FGGY: variants seen among roughly 807,000 people sequenced by gnomAD.
FGGY encodes FGGY carbohydrate kinase domain-containing protein.
A neutral mutation model predicts 71.3 loss-of-function variants in FGGY; 72 were observed. The ratio of observed to expected loss-of-function variants is 1.01; its 90% CI spans 0.84 to 1.23. The LOEUF (loss-of-function observed/expected upper bound fraction) is 1.23, where lower values mean the gene tolerates loss of function less well. Ranked by LOEUF, FGGY falls within the 50% of genes most tolerant of loss-of-function variation. The pLI is 0.00. For missense variants in FGGY, 668 were observed against 682.3 expected (o/e 0.98, Z 0.23); for synonymous variants, 251 against 250.3 (o/e 1.00, Z -0.02).
chr1:59,693,230 T>C (rs2097610447), intron 14 of FGGY, among the ~76,000 whole-genome samples: 1 of 152,232 alleles, frequency 6.6e-6, no homozygotes. Context: ...TGCATTGGCA[T>C]CAGACAGATA....
At chr1:59,408,328 A>G (rs1369681420) in intron 5 of FGGY, among the ~76,000 whole-genome samples, 3 of 152,192 alleles carry the variant, frequency 2.0e-5, no homozygotes, top group Non-Finnish European at 4.4e-5. Flanking sequence ...AAAATATGCT[A>G]TTAATATGCT....
intron 12 of FGGY, among the ~76,000 whole-genome samples, chr1:59,663,788 A>T (rs1042623556): frequency 6.6e-6 from 1 of 152,194 alleles, no homozygotes. Context: ...TGTGCATTTT[A>T]ATGAGGTATT....
At chr1:59,543,712 T>C (rs758118775) in intron 7 of FGGY, among the ~76,000 whole-genome samples, 45 of 152,220 alleles carry the variant, frequency 3.0e-4, no homozygotes, top group Non-Finnish European at 6.3e-4. Flanking sequence ...TCAGGCTTTT[T>C]TTTTTAGTTT....
intron 5 of FGGY, among the ~76,000 whole-genome samples, chr1:59,431,023 T>C (rs370811742): frequency 4.6e-5 from 7 of 152,314 alleles, no homozygotes; most frequent in Admixed American, 2.0e-4. Flanking sequence ...TATCCATTAC[T>C]GTTAGCTAAG....
chr1:59,723,568 G>T (rs573388621), intron 14 of FGGY, among the ~76,000 whole-genome samples: 8 of 149,394 alleles, frequency 5.4e-5, no homozygotes, highest in Non-Finnish European at 1.0e-4. Flanking sequence ...TTTTTTGGGG[G>T]GGGGTGGTTG....
intron 2 of FGGY, among the ~76,000 whole-genome samples, chr1:59,338,341 G>A (rs759735155): frequency 3.9e-5 from 6 of 152,038 alleles, no homozygotes; most frequent in Non-Finnish European, 7.4e-5. Flanking sequence ...GGTAATACTG[G>A]CTATGTAATA....
chr1:59,586,859 T>C (rs35267015), intron 8 of FGGY, among the ~76,000 whole-genome samples: 18,409 of 152,042 alleles, frequency 0.12, 1,275 homozygotes, highest in South Asian at 0.3. Context: ...GCTCCCAGCG[T>C]GAGTGACGCA....
chr1:59,592,678 A>G (rs551663413), intron 8 of FGGY, among the ~76,000 whole-genome samples: 4 of 151,908 alleles, frequency 2.6e-5, no homozygotes, highest in African/African-American at 9.7e-5. Context: ...AGTAAACTAT[A>G]GCAAGAACAA....
At chr1:59,375,152 C>T (rs1256446428) in intron 4 of FGGY, among the ~76,000 whole-genome samples, 9 of 149,238 alleles carry the variant, frequency 6.0e-5, no homozygotes, top group Admixed American at 2.7e-4. Context: ...CCCAGCTACT[C>T]GGGAGGCTGA....
chr1:59,310,110 T>C (rs910316799), intron 1 of FGGY: 3 of 152,240 alleles, frequency 2.0e-5, no homozygotes, highest in Admixed American at 6.5e-5. Flanking sequence ...GAATGGATTT[T>C]GTTGCTTTAT....
chr1:59,539,165 G>T (rs531871174), intron 7 of FGGY, among the ~76,000 whole-genome samples: 1 of 152,214 alleles, frequency 6.6e-6, no homozygotes, highest in African/African-American at 2.4e-5. Context: ...TCATTGATTG[G>T]AAAACAGTAT....
chr1:59,746,645 T>C (rs1213785272), intron 14 of FGGY, among the ~76,000 whole-genome samples: 1 of 152,054 alleles, frequency 6.6e-6, no homozygotes, highest in Non-Finnish European at 1.5e-5. Context: ...ACACGTACCA[T>C]CACACCTGGC....
intron 8 of FGGY, among the ~76,000 whole-genome samples, chr1:59,563,127 T>C (rs969211654): frequency 1.3e-5 from 2 of 152,188 alleles, no homozygotes; most frequent in African/African-American, 4.8e-5. Context: ...GAACTTCCAA[T>C]AGTATGTTGA....
At chr1:59,519,668 A>G (rs2094768599) in intron 7 of FGGY, among the ~76,000 whole-genome samples, 1 of 152,204 alleles carries the variant, frequency 6.6e-6, no homozygotes, top group South Asian at 2.1e-4. Context: ...GACTGGTACT[A>G]CTATGATGAC....
intron 14 of FGGY, among the ~76,000 whole-genome samples, chr1:59,727,694 CT>C (rs1330014835): frequency 6.6e-6 from 1 of 152,144 alleles, no homozygotes; most frequent in Non-Finnish European, 1.5e-5. Flanking sequence ...TTAGAAAAGC[CT>C]ATTCTAAAGT....
At chr1:59,344,538 C>T (rs2051380752) in intron 3 of FGGY, among the ~76,000 whole-genome samples, 1 of 152,116 alleles carries the variant, frequency 6.6e-6, no homozygotes, top group African/African-American at 2.4e-5. Context: ...GCTTTTACTA[C>T]ATATGTGTAT....
intron 12 of FGGY, among the ~76,000 whole-genome samples, chr1:59,664,822 A>C (rs573847965): frequency 9.9e-5 from 15 of 152,210 alleles, no homozygotes; most frequent in Non-Finnish European, 2.2e-4. Context: ...CTTGTATGGT[A>C]GGTATTACTA....
At chr1:59,335,591 C>T (rs868330853) in intron 2 of FGGY, among the ~76,000 whole-genome samples, 3 of 151,878 alleles carry the variant, frequency 2.0e-5, no homozygotes, top group Admixed American at 6.6e-5. Context: ...TTGAAGTTGC[C>T]GGGTTGTGTG....
At chr1:59,333,854 A>C (rs1480028790) in intron 2 of FGGY, among the ~76,000 whole-genome samples, 1 of 152,198 alleles carries the variant, frequency 6.6e-6, no homozygotes, top group Non-Finnish European at 1.5e-5. Context: ...AGTGTGGTGA[A>C]GGCATCTGGG....
Sources: allele counts gnomAD v4.1 joint callset (sites outside exome capture counted in the v4.1 genomes callset), GRCh38; gene constraint gnomAD v4.1.1; transcripts MANE v1.5; gene names NCBI Gene and HGNC (gene_info 2026-07-23, HGNC 2026-07-21).